Variants in ERCC5 observed in about 807,000 individuals in gnomAD.
ERCC5 encodes the protein ERCC excision repair 5, endonuclease.
ERCC5 carries 68 observed loss-of-function variants against 105.6 expected under a neutral mutation model. The observed-to-expected ratio is 0.64, with a 90% confidence interval of 0.53 to 0.79. The LOEUF (loss-of-function observed/expected upper bound fraction) is 0.79. ERCC5 is among the 30% of genes least tolerant of loss of function. ERCC5 has a pLI of 0.00. For missense variants in ERCC5, 1,373 were observed against 1,426.7 expected, an observed-to-expected ratio of 0.96 and a Z score of 0.61; for synonymous variants, 546 against 526.2, an observed-to-expected ratio of 1.04 and a Z score of -0.51.
chr13:102,868,122 G>A lies in ERCC5; in HGVS notation c.2543G>A (p.Arg848Gln), dbSNP rs1187994214. 16 of 1,613,762 alleles carry A rather than the reference G, an allele frequency of 9.9e-6. No homozygotes were observed. The African/African-American group carries it at 1.1e-4, about 11-fold the overall frequency. The part of the protein sequence containing the change: ...VDFHNQLGLD[R>Q]NKLINLAYLL... ...TATTGTTACTCTTTAGGATTGGACC[G>A]GAATAAGTTAATAAATTTGGCTTAT... is the stretch of plus-strand genomic sequence containing the variant. The change falls in exon 12 of 15, where the codon CGG becomes CAG. Residue 848 changes from arginine to glutamine, a missense_variant. Transcript: ENST00000652225.
At position 102,875,472 on chromosome 13, in the gene ERCC5, G is replaced by T. The variant is rs768440346; in HGVS notation, c.3130G>T (p.Glu1044Ter). Residue 1044 changes from glutamate (E) to a stop codon, truncating the protein, a stop_gained, in exon 15 of 15, where the codon GAA (glutamate) becomes TAA (stop). Coordinates refer to ENST00000652225, the MANE Select transcript of ERCC5 (RefSeq NM_000123.4). LOFTEE classifies it low-confidence loss of function (END_TRUNC). ...IEAVSVAMEK[E>*]FELLDKAKGK... ...AGCAGTTTCTGTTGCCATGGAGAAAGAATTTGAGCTACTTGATAAGGCAAA... is the reference window on the plus strand; with the variant it reads ...AGCAGTTTCTGTTGCCATGGAGAAATAATTTGAGCTACTTGATAAGGCAAA... 12 of 1,614,144 alleles carry T rather than the reference G, an allele frequency of 7.4e-6. No homozygotes were observed. The highest frequency in any genetic ancestry group is 4.4e-5 in the South Asian group (4 of 91,078).
chr13:102,848,005 A>C (rs1409807469), intron 1 of ERCC5, among the ~76,000 whole-genome samples: 1 of 152,220 alleles, frequency 6.6e-6, no homozygotes, highest in Non-Finnish European at 1.5e-5. Context: ...CACACAGTCA[A>C]AAAATTAGCT....
chr13:102,857,262 A>G (rs1405375046), intron 5 of ERCC5, among the ~76,000 whole-genome samples: 3 of 152,216 alleles, frequency 2.0e-5, no homozygotes, highest in Non-Finnish European at 4.4e-5. Context: ...ATCTTAGTTA[A>G]GACCATGGGC....
rs554353171 is a variant in ERCC5, at chr13:102,869,782, A to G, written c.2678+1525A>G. On this transcript the variant is annotated intron_variant, in intron 12 of 14. Coordinates refer to ENST00000652225, the MANE Select transcript of ERCC5 (RefSeq NM_000123.4). ...ATTATTTTAGAATAAGTGAAATAGTATCTGACTTTTCCATTTGGTTTCTTG... is the reference window on the plus strand; with the variant it reads ...ATTATTTTAGAATAAGTGAAATAGTGTCTGACTTTTCCATTTGGTTTCTTG... 3.3e-5 allele frequency among the ~76,000 whole-genome samples: 5 copies of G among 152,354 alleles called. No individual in the cohort carries two copies. The East Asian group carries it at 7.7e-4, about 23-fold the overall frequency.
chr13:102,853,614 C>A, intron 2 of ERCC5, 143 bp from the exon 3 acceptor site: 1 of 786,250 alleles, frequency 1.3e-6, no homozygotes. Flanking sequence ...AAGATATACA[C>A]TGATATGGCA....
intron 4 of ERCC5, among the ~76,000 whole-genome samples, chr13:102,854,824 C>T (rs183527075): frequency 7.2e-5 from 11 of 152,298 alleles, no homozygotes; most frequent in Admixed American, 4.6e-4. Flanking sequence ...TGCCACACTG[C>T]CCCGCTCCCC....
chr13:102,875,992 G>T lies in ERCC5; in HGVS notation c.*89G>T. 2 of 1,479,102 alleles carry T rather than the reference G, an allele frequency of 1.4e-6. No homozygotes were observed. Among genetic ancestry groups the T allele is most frequent in the East Asian group, 2.4e-5 (1 of 41,638 alleles). 91.6% of individuals were successfully genotyped at this position (1,479,102 alleles called of 1,614,324 possible). A position where few individuals can be genotyped will look rare whatever the true frequency, so the allele number is the denominator to read the frequency against. On this transcript the variant is annotated 3_prime_UTR_variant, in exon 15 of 15. Transcript: ENST00000652225. ...ACGTAATAAAATTAACTGGTGGCAC[G>T]GTCTTTGTATTTAGTGTGTGGTTCC... is the stretch of plus-strand genomic sequence containing the variant.
chr13:102,860,192 AAG>A (rs1320998393), intron 6 of ERCC5, among the ~76,000 whole-genome samples: 5 of 152,248 alleles, frequency 3.3e-5, no homozygotes, highest in Non-Finnish European at 7.3e-5. Context: ...GAATATGCCA[AAG>A]AGAAGCTGTA....
chr13:102,860,244 T>A (rs1054144425), intron 6 of ERCC5, among the ~76,000 whole-genome samples: 26 of 152,198 alleles, frequency 1.7e-4, no homozygotes, highest in African/African-American at 6.3e-4. Context: ...GTTCTTGAAT[T>A]AATAAGGAAA....
chr13:102,850,687 T>G (rs561363889), intron 1 of ERCC5, among the ~76,000 whole-genome samples: 1 of 152,076 alleles, frequency 6.6e-6, no homozygotes, highest in African/African-American at 2.4e-5. Context: ...AGCAGCTGAG[T>G]GGAGAAGACA....
At chr13:102,859,300 A>G (rs1882538022) in intron 6 of ERCC5, among the ~76,000 whole-genome samples, 1 of 152,206 alleles carries the variant, frequency 6.6e-6, no homozygotes, top group South Asian at 2.1e-4. Context: ...CAATTTTTGA[A>G]TATTGCTTAA....
rs1479176260 is a variant in ERCC5, at chr13:102,861,642, G to C, written c.808G>C (p.Gly270Arg). The change falls in exon 7 of 15, where the codon GGG becomes CGG. Residue 270 changes from glycine to arginine, a missense_variant. Around this residue, in one of 3 missense-constraint regions of ERCC5, gnomAD observed 1,004 missense variants for 1,059.7 expected, o/e 0.95. Coordinates refer to ENST00000652225, the MANE Select transcript of ERCC5 (RefSeq NM_000123.4). ...GHIRRQYEDE[G>R]GFLKEVESRR... The stretch of plus-strand genomic sequence containing the variant: ...CATCCGAAGGCAGTATGAAGATGAA[G>C]GGGGCTTTCTGAAGGAGGTAGAGTC... 4 of 1,614,032 alleles carry C rather than the reference G, an allele frequency of 2.5e-6. No homozygotes were observed. The Admixed American group carries it at 5.0e-5, about 20-fold the overall frequency.
At position 102,865,846 on chromosome 13, in the gene ERCC5, G is replaced by A. The variant is rs2140531392; in HGVS notation, c.2134G>A (p.Gly712Ser). Residue 712 changes from glycine to serine, a missense_variant, in exon 9 of 15, where the codon GGT (glycine) becomes AGT (serine). By Grantham distance (56) the Gly-to-Ser change is moderately conservative. Transcript: ENST00000652225. The surrounding 1 kb of genome is among the most constrained non-coding windows in gnomAD (Gnocchi z 4.0). ...RDNSERDDVD[G>S]EPQEAEKDAE... ...CAACTCTGAGAGGGACGACGTGGAT[G>A]GTGAGCCACAGGAAGCTGAGAAAGA... 6.2e-7 allele frequency: 1 copy of A among 1,614,204 alleles called. No homozygotes were observed. The highest frequency in any genetic ancestry group is 8.5e-7 in the Non-Finnish European group (1 of 1,180,038).
intron 6 of ERCC5, among the ~76,000 whole-genome samples, chr13:102,860,711 T>A (rs564098002): frequency 6.6e-6 from 1 of 152,326 alleles, no homozygotes; most frequent in East Asian, 1.9e-4. Context: ...ATAGGATGAT[T>A]GTGAGAATAA....
At chr13:102,866,229 A>G (rs751275806) in intron 9 of ERCC5, 33 bp from the exon 10 acceptor site, 2 of 1,610,764 alleles carry the variant, frequency 1.2e-6, no homozygotes, top group South Asian at 1.1e-5. Flanking sequence ...TGGATTATTA[A>G]TATAAATCTA....
In ERCC5 at chr13:102,852,198, A is replaced by T. The variant is rs924662120; in HGVS notation, c.169A>T (p.Thr57Ser). The T allele has an allele frequency of 1.2e-6, 2 of 1,614,080 alleles. No homozygotes were observed. Among genetic ancestry groups the T allele is most frequent in the African/African-American group, 2.7e-5 (2 of 75,038 alleles). Residue 57 changes from threonine to serine, a missense_variant, in exon 2 of 15, where the codon ACT becomes TCT. By Grantham distance (58) the Thr-to-Ser change is moderately conservative. This residue lies in a region of ERCC5 where 1,004 missense variants were observed against 1,059.7 expected (regional missense o/e 0.95). Coordinates refer to ENST00000652225, the MANE Select transcript of ERCC5 (RefSeq NM_000123.4). ...CTCAATAGAAAATCCTCATCTTCTC[A>T]CTTTGTTTCATCGGCTCTGCAAACT... ...GNSIENPHLL[T>S]LFHRLCKLLF...
At chr13:102,873,490 G>GA (rs938403566) in intron 14 of ERCC5, 147 bp downstream of exon 14, 167 of 937,084 alleles carry the variant, frequency 1.8e-4, no homozygotes, top group Admixed American at 7.8e-4. Flanking sequence ...GAAGAAAATA[G>GA]AAAAAGAAAA....
chr13:102,852,217 G>T lies in ERCC5; in HGVS notation c.188G>T (p.Cys63Phe). Residue 63 changes from cysteine to phenylalanine, a missense_variant, in exon 2 of 15, where the codon TGC becomes TTC. This residue lies in a region of ERCC5 where 1,004 missense variants were observed against 1,059.7 expected (regional missense o/e 0.95). Coordinates refer to ENST00000652225, the MANE Select transcript of ERCC5 (RefSeq NM_000123.4). Reference sequence around the variant, plus strand: ...CTTCTCACTTTGTTTCATCGGCTCTGCAAACTCTTATTTTTTCGAATTCGT... The same window carrying T: ...CTTCTCACTTTGTTTCATCGGCTCTTCAAACTCTTATTTTTTCGAATTCGT... ...PHLLTLFHRLCKLLFFRIRPI... is the reference protein window; with the variant it reads ...PHLLTLFHRLFKLLFFRIRPI... The T allele has an allele frequency of 1.2e-6, 2 of 1,614,084 alleles. No individual in the cohort carries two copies. Among genetic ancestry groups the T allele is most frequent in the South Asian group, 2.2e-5 (2 of 91,068 alleles).
Position 102,861,554 on chromosome 13 carries a change from G to A in ERCC5, c.720G>A (p.Lys240=). Residue 240 remains lysine, a synonymous_variant, in exon 7 of 15, where the codon AAG becomes AAA. Transcript: ENST00000652225. ...ACCAACTCAAAGGCTTGCTTAAAAA[G>A]AACTATCTGAACCAGCATATAGAAC... The part of the protein sequence containing the change: ...SQYQLKGLLK[K]NYLNQHIEHV... 1 of 1,614,036 alleles carries A rather than the reference G, an allele frequency of 6.2e-7. No individual in the cohort carries two copies. Among genetic ancestry groups the A allele is most frequent in the Admixed American group, 1.7e-5 (1 of 60,006 alleles).
Sources: gnomAD v4.1 joint callset for allele counts (sites outside exome capture counted in the v4.1 genomes callset) on GRCh38, gnomAD v4.1.1 for gene constraint, gnomAD v4.1.1 regional missense constraint, Gnocchi (gnomAD v3.1) non-coding constraint, MANE v1.5 for transcripts, NCBI Gene and HGNC (gene_info 2026-07-23, HGNC 2026-07-21) for gene names.